The following SNX29 variants were observed in gnomAD, a reference collection of about 807,000 sequenced individuals.
The protein encoded by SNX29 is sorting nexin-29.
In SNX29, 78 loss-of-function variants were observed where a neutral mutation model predicts 102.1. The observed-to-expected ratio is 0.76, with a 90% CI of 0.64 to 0.92. The LOEUF (loss-of-function observed/expected upper bound fraction) is 0.92. SNX29 is among the 40% of genes least tolerant of loss of function. SNX29 has a pLI of 0.00. For missense variants in SNX29, 1,280 were observed against 1,061.7 expected (o/e 1.21, Z -2.86); for synonymous variants, 580 against 414.5 (o/e 1.40, Z -4.85).
intron 14 of SNX29, among the ~76,000 whole-genome samples, chr16:12,250,977 G>A (rs1342758680): frequency 1.3e-5 from 2 of 152,238 alleles, no homozygotes; most frequent in Non-Finnish European, 2.9e-5. Flanking sequence ...GACAGCTGCT[G>A]GCTGCTCCTC....
chr16:12,283,902 A>T (rs1336430549), intron 15 of SNX29, among the ~76,000 whole-genome samples: 3 of 152,194 alleles, frequency 2.0e-5, no homozygotes, highest in Admixed American at 6.5e-5. Flanking sequence ...CCCACTTCTT[A>T]GGGACTGTTA....
Position 12,571,218 on chromosome 16 carries a change from C to T in SNX29, c.*2589C>T, listed in dbSNP as rs773556926. 2.2e-5 allele frequency: 5 copies of T among 232,336 alleles called. No individual in the cohort carries two copies. Among genetic ancestry groups the T allele is most frequent in the African/African-American group, 8.8e-5 (4 of 45,396 alleles). 14.4% of individuals were successfully genotyped at this position (232,336 alleles called of 1,614,324 possible). A position where few individuals can be genotyped will look rare whatever the true frequency, so the allele number is the denominator to read the frequency against. ...CAGGCAACAAACAACTGGCAGGGTT[C>T]CCAGTTCCTGGAGTTATGGAGCAGA... On this transcript the variant is annotated 3_prime_UTR_variant, in exon 21 of 21. Coordinates refer to ENST00000566228, the MANE Select transcript of SNX29 (RefSeq NM_032167.5).
chr16:12,062,770 G>C (rs919489721), intron 9 of SNX29, among the ~76,000 whole-genome samples: 1 of 152,178 alleles, frequency 6.6e-6, no homozygotes, highest in African/African-American at 2.4e-5. Flanking sequence ...CTGAACTGGG[G>C]TGTAGATTCT....
At chr16:12,333,566 C>T (rs2081358653) in intron 15 of SNX29, among the ~76,000 whole-genome samples, 1 of 152,122 alleles carries the variant, frequency 6.6e-6, no homozygotes, top group Non-Finnish European at 1.5e-5. Context: ...CATTCAACAA[C>T]ATTTATCAAG....
At chr16:12,558,290 A>G (rs765354157) in intron 20 of SNX29, among the ~76,000 whole-genome samples, 1 of 152,164 alleles carries the variant, frequency 6.6e-6, no homozygotes, top group African/African-American at 2.4e-5. Flanking sequence ...CAGCTCTGAA[A>G]CGCGAGATGG....
Position 12,551,205 on chromosome 16 carries a change from C to T in SNX29, c.2319-17301C>T, listed in dbSNP as rs565258188. ...CTTCCCCACAGAGAGCCTTTAGGAA[C>T]ACACTGCACTCAGATTTGCCATCTT... On this transcript the variant is annotated intron_variant, in intron 20 of 20. Coordinates refer to ENST00000566228, the MANE Select transcript of SNX29 (RefSeq NM_032167.5). Among the ~76,000 whole-genome samples, 5 of 151,208 alleles carry T rather than the reference C, an allele frequency of 3.3e-5. No homozygotes were observed. In the South Asian group the frequency reaches 1.0e-3, roughly 32 times the overall value.
At chr16:12,023,462 C>T (rs2057090945) in intron 3 of SNX29, among the ~76,000 whole-genome samples, 1 of 149,262 alleles carries the variant, frequency 6.7e-6, no homozygotes, top group South Asian at 2.1e-4. Flanking sequence ...CCTGTAGTCT[C>T]AGTTACTTGG....
chr16:12,340,440 T>C (rs2081578471), intron 15 of SNX29, among the ~76,000 whole-genome samples: 1 of 152,232 alleles, frequency 6.6e-6, no homozygotes, highest in African/African-American at 2.4e-5. Flanking sequence ...TTGTTCCCTG[T>C]TGTATCCCCA....
chr16:11,976,806 C>T lies in SNX29; in HGVS notation c.-1C>T, dbSNP rs1341615052. ...CAGGCACCGGCCCGGGGAGAGGCACCATGAGCGGTGAGTGGCGGCCCCGCC... is the reference window on the plus strand; with the variant it reads ...CAGGCACCGGCCCGGGGAGAGGCACTATGAGCGGTGAGTGGCGGCCCCGCC... On this transcript the variant is annotated 5_prime_UTR_variant, in exon 1 of 21. Coordinates refer to ENST00000566228, the MANE Select transcript of SNX29 (RefSeq NM_032167.5). 5 of 1,382,650 alleles carry T rather than the reference C, an allele frequency of 3.6e-6. No individual in the cohort carries two copies. The highest frequency in any genetic ancestry group is 4.7e-6 in the Non-Finnish European group (5 of 1,067,966). 85.6% of individuals were successfully genotyped at this position (1,382,650 alleles called of 1,614,324 possible). A position where few individuals can be genotyped will look rare whatever the true frequency, so the allele number is the denominator to read the frequency against.
intron 18 of SNX29, among the ~76,000 whole-genome samples, chr16:12,465,664 A>C (rs1046335763): frequency 1.3e-5 from 2 of 152,050 alleles, no homozygotes; most frequent in African/African-American, 2.4e-5. Flanking sequence ...TTCTTTCTCA[A>C]TATTGCTTTG....
intron 13 of SNX29, among the ~76,000 whole-genome samples, chr16:12,197,308 A>G (rs1407554375): frequency 6.6e-6 from 1 of 151,998 alleles, no homozygotes; most frequent in Non-Finnish European, 1.5e-5. Context: ...GGTGGCTCAC[A>G]CCTGTAATCC....
chr16:12,084,652 T>C (rs1251354190), intron 11 of SNX29, among the ~76,000 whole-genome samples: 1 of 152,086 alleles, frequency 6.6e-6, no homozygotes, highest in African/African-American at 2.4e-5. Context: ...TCCAGCTGAG[T>C]GGCCCCAGCC....
At chr16:12,455,798 T>C (rs1260209351) in intron 18 of SNX29, among the ~76,000 whole-genome samples, 1 of 152,188 alleles carries the variant, frequency 6.6e-6, no homozygotes, top group Non-Finnish European at 1.5e-5. Flanking sequence ...AGATGAGATG[T>C]AGGTGGCCCG....
At chr16:11,992,077 T>C (rs897055930) in intron 1 of SNX29, among the ~76,000 whole-genome samples, 81 of 152,102 alleles carry the variant, frequency 5.3e-4, no homozygotes, top group Admixed American at 1.6e-3. Context: ...GGAGGATCAT[T>C]TGAGGCCAGG....
rs1033293663 is a variant in SNX29 at position 12,187,918 on chromosome 16, A to G, written c.1596-11683A>G. Reference sequence around the variant, plus strand: ...ACCTGATGCAGCTGAGGGAAATCGGATAATCATTTTCTGAAGTGGTGAGGT... The same window carrying G: ...ACCTGATGCAGCTGAGGGAAATCGGGTAATCATTTTCTGAAGTGGTGAGGT... On this transcript the variant is annotated intron_variant, in intron 13 of 20. Coordinates refer to ENST00000566228, the MANE Select transcript of SNX29 (RefSeq NM_032167.5). 8.5e-5 allele frequency among the ~76,000 whole-genome samples: 13 copies of G among 152,250 alleles called. No individual in the cohort carries two copies. The South Asian group carries it at 2.7e-3, about 32-fold the overall frequency.
intron 15 of SNX29, among the ~76,000 whole-genome samples, chr16:12,339,233 T>TG (rs1348928227): frequency 6.6e-6 from 1 of 151,750 alleles, no homozygotes; most frequent in African/African-American, 2.4e-5. Flanking sequence ...TAGCCAGGCG[T>TG]GGTGGCGCAT....
intron 20 of SNX29, among the ~76,000 whole-genome samples, chr16:12,555,908 C>CT (rs962348235): frequency 7.9e-5 from 12 of 151,920 alleles, no homozygotes; most frequent in African/African-American, 2.9e-4. Flanking sequence ...GGTCTCAAAC[C>CT]TTATTTTTGC....
At chr16:12,535,562 G>C (rs1481098030) in intron 20 of SNX29, among the ~76,000 whole-genome samples, 1 of 152,182 alleles carries the variant, frequency 6.6e-6, no homozygotes, top group Non-Finnish European at 1.5e-5. Flanking sequence ...TGGCAGCATG[G>C]GGAGTGTGAG....
chr16:12,371,385 A>G (rs1284571259), intron 16 of SNX29, among the ~76,000 whole-genome samples: 2 of 152,032 alleles, frequency 1.3e-5, no homozygotes, highest in African/African-American at 4.8e-5. Flanking sequence ...TGCAGCCTCA[A>G]ACTCCTGGGC....
Sources: allele counts gnomAD v4.1 joint callset (sites outside exome capture counted in the v4.1 genomes callset), GRCh38; gene constraint gnomAD v4.1.1; transcripts MANE v1.5; gene names NCBI Gene and HGNC (gene_info 2026-07-23, HGNC 2026-07-21).